The following JADE3 variants were observed in gnomAD, a reference collection of about 807,000 sequenced individuals.
The protein encoded by JADE3 is protein Jade-3.
A neutral mutation model predicts 50.1 loss-of-function variants in JADE3; 2 were observed. The ratio of observed to expected loss-of-function variants is 0.04; its 90% confidence interval spans 0.02 to 0.13. JADE3 has a LOEUF of 0.13. JADE3 is among the 10% of genes least tolerant of loss of function. The pLI, the probability that JADE3 is intolerant of heterozygous loss-of-function variation, is 1.00. For synonymous variants in JADE3, 218 were observed against 232.9 expected (o/e 0.94, Z 0.58); for missense variants, 475 against 634.4 (o/e 0.75, Z 2.70).
intron 4 of JADE3, among the ~76,000 whole-genome samples, chrX:47,014,075 ATTC>A (rs1232721562): frequency 8.9e-6 from 1 of 112,249 alleles, no homozygotes; most frequent in Non-Finnish European, 1.9e-5. Context: ...TCCTATTATA[ATTC>A]TTCAAAGAAA....
chrX:47,057,299 C>G (rs1556373563), intron 10 of JADE3, among the ~76,000 whole-genome samples: 1 of 111,489 alleles, frequency 9.0e-6, no homozygotes, highest in East Asian at 2.8e-4. Context: ...CTCTTGATAT[C>G]TCATTTTTGT....
intron 8 of JADE3, among the ~76,000 whole-genome samples, chrX:47,042,981 C>A (rs781803044): frequency 8.9e-6 from 1 of 111,788 alleles, no homozygotes; most frequent in African/African-American, 3.2e-5. Flanking sequence ...TAGCCCTCCT[C>A]CATCTCCAGG....
intron 3 of JADE3, among the ~76,000 whole-genome samples, chrX:46,996,105 C>T (rs1024189431): frequency 1.8e-5 from 2 of 112,073 alleles, no homozygotes; most frequent in African/African-American, 6.5e-5. Context: ...GACGCGATCT[C>T]GGCTCACTGC....
intron 7 of JADE3, among the ~76,000 whole-genome samples, chrX:47,035,593 T>C (rs1482033800): frequency 1.8e-5 from 2 of 111,278 alleles, no homozygotes; most frequent in East Asian, 5.6e-4. Flanking sequence ...TCTCAGTTAT[T>C]GACATTCTCT....
chrX:46,923,071 G>T (rs1197889261), intron 1 of JADE3, among the ~76,000 whole-genome samples: 1 of 110,831 alleles, frequency 9.0e-6, no homozygotes, highest in African/African-American at 3.3e-5. Context: ...GGAGTGCAGT[G>T]GCATGATCAT....
intron 1 of JADE3, among the ~76,000 whole-genome samples, chrX:46,923,625 G>A (rs1556338278): frequency 1.9e-5 from 2 of 107,531 alleles, no homozygotes; most frequent in Non-Finnish European, 3.9e-5. Context: ...GTGTTGCCCA[G>A]TCTGGTCTTG....
intron 4 of JADE3, among the ~76,000 whole-genome samples, chrX:47,004,957 C>T (rs782056536): frequency 9.0e-6 from 1 of 111,698 alleles, no homozygotes; most frequent in Non-Finnish European, 1.9e-5. Flanking sequence ...TTCCCTATGC[C>T]TCCCACTAAG....
intron 1 of JADE3, among the ~76,000 whole-genome samples, chrX:46,975,714 CTTTTTTT>C (rs782578317): frequency 4.2e-4 from 17 of 40,519 alleles, no homozygotes; most frequent in South Asian, 3.2e-3. Flanking sequence ...TTTTCTTTTT[CTTTTTTT>C]TTTTTTTTTT....
At chrX:47,037,262 C>T (rs1199456780) in intron 7 of JADE3, among the ~76,000 whole-genome samples, 3 of 111,592 alleles carry the variant, frequency 2.7e-5, no homozygotes, top group African/African-American at 9.8e-5. Flanking sequence ...TGTCATCCTC[C>T]TCCTTTCTAC....
chrX:46,992,361 C>A (rs986664124), intron 3 of JADE3, among the ~76,000 whole-genome samples: 1 of 54,431 alleles, frequency 1.8e-5, no homozygotes, highest in Non-Finnish European at 3.2e-5. Flanking sequence ...AGCTTGCAAG[C>A]GGGTGGGACC....
chrX:47,024,409 C>T (rs1447141980), intron 4 of JADE3, among the ~76,000 whole-genome samples: 1 of 112,015 alleles, frequency 8.9e-6, no homozygotes, highest in Non-Finnish European at 1.9e-5. Flanking sequence ...AGGAGGATCA[C>T]TGGAGCCCAG....
rs782725196 is a variant in JADE3, at chrX:46,934,587, C to T, written c.-12+21868C>T. 1.6e-4 allele frequency among the ~76,000 whole-genome samples: 18 copies of T among 110,428 alleles called. No individual in the cohort carries two copies. The East Asian group carries it at 2.6e-3, about 16-fold the overall frequency. On this transcript the variant is annotated intron_variant, in intron 1 of 10. Coordinates refer to ENST00000614628, the MANE Select transcript of JADE3 (RefSeq NM_014735.5). ...TGCTGGGATTACAGGCGTGAGTCAC[C>T]GCGCCCGGCCTTTTTTTTTGTATTT...
intron 1 of JADE3, among the ~76,000 whole-genome samples, chrX:46,919,423 A>G (rs1556337231): frequency 8.9e-6 from 1 of 112,216 alleles, no homozygotes; most frequent in Non-Finnish European, 1.9e-5. Context: ...TTTGTACCTA[A>G]GAGAGGAAAT....
At chrX:47,013,168 T>G (rs1393397732) in intron 4 of JADE3, among the ~76,000 whole-genome samples, 1 of 111,505 alleles carries the variant, frequency 9.0e-6, no homozygotes, top group African/African-American at 3.3e-5. Context: ...CACATGCCAC[T>G]GTACCCAGTT....
intron 1 of JADE3, among the ~76,000 whole-genome samples, chrX:46,929,929 A>G (rs1926454736): frequency 1.8e-5 from 2 of 112,143 alleles, no homozygotes; most frequent in Non-Finnish European, 3.8e-5. Context: ...CTGAAGCCCC[A>G]CAGGACTAAA....
intron 8 of JADE3, among the ~76,000 whole-genome samples, chrX:47,049,739 C>A (rs1458329437): frequency 2.8e-5 from 3 of 105,983 alleles, no homozygotes; most frequent in African/African-American, 1.0e-4. Flanking sequence ...AGCCACTGCG[C>A]CTGGCTCTTC....
At chrX:46,941,170 G>A (rs1198601515) in intron 1 of JADE3, among the ~76,000 whole-genome samples, 1 of 110,363 alleles carries the variant, frequency 9.1e-6, no homozygotes, top group Non-Finnish European at 1.9e-5. Context: ...GACAACATGC[G>A]GTATTTGGTT....
At chrX:46,969,244 CCT>C (rs782749383) in intron 1 of JADE3, among the ~76,000 whole-genome samples, 8 of 104,599 alleles carry the variant, frequency 7.6e-5, no homozygotes, top group Non-Finnish European at 1.4e-4. Flanking sequence ...GGTGAAATCC[CCT>C]CTCTACTAAA....
At chrX:46,989,805 T>C (rs1927943603) in intron 3 of JADE3, among the ~76,000 whole-genome samples, 1 of 111,710 alleles carries the variant, frequency 9.0e-6, no homozygotes, top group Non-Finnish European at 1.9e-5. Flanking sequence ...CACCTTCTTT[T>C]TCCCCTCCTT....
Sources: allele counts gnomAD v4.1 joint callset (sites outside exome capture counted in the v4.1 genomes callset), GRCh38; gene constraint gnomAD v4.1.1; transcripts MANE v1.5; gene names NCBI Gene and HGNC (gene_info 2026-07-23, HGNC 2026-07-21).